The following SYT3 variants were observed in gnomAD, a reference collection of about 807,000 sequenced individuals.
SYT3 encodes the protein synaptotagmin-3.
A neutral mutation model predicts 50.6 loss-of-function variants in SYT3; 25 were observed. The observed-to-expected ratio is 0.49, with a 90% CI of 0.36 to 0.69. SYT3 has a LOEUF of 0.69. Ranked by LOEUF, SYT3 falls within the 30% of genes least tolerant of loss-of-function variation. The probability of loss-of-function intolerance (pLI) is 0.00; values close to 1 mark genes in which losing one functional copy is unlikely to be tolerated. For missense variants in SYT3, 589 were observed against 793.6 expected, an observed-to-expected ratio of 0.74 and a Z score of 3.10; for synonymous variants, 323 against 353.9, an observed-to-expected ratio of 0.91 and a Z score of 0.98.
chr19:50,635,320 A>G (rs905510806), intron 3 of SYT3, among the ~76,000 whole-genome samples: 2 of 152,170 alleles, frequency 1.3e-5, no homozygotes, highest in African/African-American at 4.8e-5. Context: ...TTGAGAAAAC[A>G]GGGTCATTGT....
At chr19:50,646,034 A>G in the SYT3 span, among the ~76,000 whole-genome samples, 1 of 152,204 alleles carries the variant, frequency 6.6e-6, no homozygotes, top group South Asian at 2.1e-4. Context: ...CAAATCCCAG[A>G]GGGAAGAAGA....
chr19:50,627,726 CA>C (rs36099001), intron 6 of SYT3, among the ~76,000 whole-genome samples: 61,004 of 96,390 alleles, frequency 0.63, 16,271 homozygotes, highest in African/African-American at 0.68. Context: ...GACTCTGTCT[CA>C]AAAAAAAAAA....
chr19:50,639,597 A>G lies in SYT3; in HGVS notation c.-154+193T>C, dbSNP rs1297452192. 2.0e-5 allele frequency among the ~76,000 whole-genome samples: 3 copies of G among 151,766 alleles called. No homozygotes were observed. Among genetic ancestry groups the G allele is most frequent in the Admixed American group, 2.0e-4 (3 of 15,262 alleles). On this transcript the variant is annotated intron_variant, in intron 1 of 10. Transcript: ENST00000600079. The surrounding 1 kb of genome is among the most constrained non-coding windows in gnomAD (Gnocchi z 4.6). ...GGTGGGCGAGGGGTGGGATACACCC[A>G]GGTGTTTCGGGACCCCCTTCCAGGG... is the stretch of plus-strand genomic sequence containing the variant.
the SYT3 span, chr19:50,655,911 A>C: frequency 1.3e-6 from 1 of 794,404 alleles, no homozygotes; most frequent in African/African-American, 1.7e-5. Context: ...TGGAGTTTGG[A>C]GCTAAGAGAC....
At chr19:50,626,773 TAGAG>T (rs1568761425) in intron 6 of SYT3, among the ~76,000 whole-genome samples, 3 of 103,264 alleles carry the variant, frequency 2.9e-5, no homozygotes, top group Admixed American at 9.8e-5. Flanking sequence ...GAGATATATA[TAGAG>T]AGAGACTCAG....
intron 2 of SYT3, chr19:50,638,155 G>A (rs1371336737): frequency 6.6e-6 from 1 of 152,334 alleles, no homozygotes; most frequent in Non-Finnish European, 1.5e-5. Flanking sequence ...TCAGAGGGGG[G>A]CGGTCAGGGA....
At chr19:50,631,102 A>T (rs1433129861) in intron 4 of SYT3, among the ~76,000 whole-genome samples, 1 of 151,532 alleles carries the variant, frequency 6.6e-6, no homozygotes, top group Non-Finnish European at 1.5e-5. Context: ...GGGCACTCAA[A>T]GCCCCATGTG....
upstream of SYT3, among the ~76,000 whole-genome samples, chr19:50,641,995 T>G (rs1338037786): frequency 6.6e-6 from 1 of 152,198 alleles, no homozygotes; most frequent in Non-Finnish European, 1.5e-5. Flanking sequence ...TCCCTCTAAT[T>G]AGATTACACC....
Position 50,637,245 on chromosome 19 carries a change from GACA to G in SYT3, c.148+16_148+18del. On this transcript the variant is annotated intron_variant, in intron 3 of 10. Transcript: ENST00000600079. The surrounding 1 kb of genome is among the most constrained non-coding windows in gnomAD (Gnocchi z 4.9). ...ATAGTGCAAGCAGGGGGCTGGCCAA[GACA>G]GGCAGGGGTGCTGACCTGCATCTGG... 1.9e-6 allele frequency: 3 copies of G among 1,609,052 alleles called. No individual in the cohort carries two copies. The highest frequency in any genetic ancestry group is 2.5e-6 in the Non-Finnish European group (3 of 1,176,844).
chr19:50,625,674 A>C lies in SYT3; in HGVS notation c.1403-110T>G, dbSNP rs529970585. 2.1e-6 allele frequency: 3 copies of C among 1,418,936 alleles called. No individual in the cohort carries two copies. The highest frequency in any genetic ancestry group is 2.9e-5 in the South Asian group (2 of 68,792). The allele number at this position is 1,418,936 out of a possible 1,614,324, so 87.9% of individuals were successfully genotyped here. ...CTCAGACCCAGAGGTCCGGGGCCCCAGGCCCCCAGTCCCTCCTTCCTCAGG... is the reference window on the plus strand; with the variant it reads ...CTCAGACCCAGAGGTCCGGGGCCCCCGGCCCCCAGTCCCTCCTTCCTCAGG... On this transcript the variant is annotated intron_variant, in intron 7 of 10. Transcript: ENST00000600079. The surrounding 1 kb of genome is among the most constrained non-coding windows in gnomAD (Gnocchi z 7.5).
chr19:50,634,834 G>A (rs1984442693), intron 3 of SYT3, among the ~76,000 whole-genome samples: 1 of 151,902 alleles, frequency 6.6e-6, no homozygotes, highest in African/African-American at 2.4e-5. Context: ...ATCCACCTCG[G>A]CTTCCCAAAG....
chr19:50,643,882 G>A (rs1320928314), upstream of SYT3, among the ~76,000 whole-genome samples: 1 of 152,156 alleles, frequency 6.6e-6, no homozygotes, highest in Non-Finnish European at 1.5e-5. Context: ...CTGTGTGTTT[G>A]AGAGAGGTCA....
At position 50,629,488 on chromosome 19, in the gene SYT3, C is replaced by T. The variant is rs142151643; in HGVS notation, c.1087G>A (p.Val363Ile). The T allele has an allele frequency of 5.6e-6, 9 of 1,613,828 alleles. No homozygotes were observed. The highest frequency in any genetic ancestry group is 1.1e-5 in the South Asian group (1 of 91,026). ...GAGAATTGAAACGTCTCATTGAAGA[C>T]GGGGTTCAGGGTCTTCCTGTGCACC... ...TKVHRKTLNP[V>I]FNETFQFSVP... is the part of the protein sequence containing the mutation. The change falls in exon 6 of 11, where the codon GTC (valine) becomes ATC (isoleucine). Residue 363 changes from valine to isoleucine, a missense_variant. Val to Ile is a conservative substitution (Grantham distance 29). Transcript: ENST00000600079.
Position 50,625,499 on chromosome 19 carries a change from T to A in SYT3, c.1468A>T (p.Lys490Ter). 6.2e-7 allele frequency: 1 copy of A among 1,610,418 alleles called. No homozygotes were observed. The change falls in exon 8 of 11, where the codon AAG (lysine) becomes TAG (stop). Residue 490 changes from lysine to a stop codon, truncating the protein, a stop_gained. Coordinates refer to ENST00000600079, the MANE Select transcript of SYT3 (RefSeq NM_001160329.2). LOFTEE classifies it high-confidence loss of function. The surrounding 1 kb of genome is among the most constrained non-coding windows in gnomAD (Gnocchi z 7.5). ...TAGGTGGGGTTCAGCGTGTTCTTCT[T>A]GATGGAGGTTTTCCGCTTCTTCAGA... ...RRLKKRKTSIKKNTLNPTYNE... is the reference protein window; with the variant it reads ...RRLKKRKTSI
chr19:50,646,864 T>C, the SYT3 span, among the ~76,000 whole-genome samples: 1 of 152,098 alleles, frequency 6.6e-6, no homozygotes, highest in African/African-American at 2.4e-5. Context: ...AGAGTCTTGC[T>C]TTGTCGCCCA....
chr19:50,630,021 G>A lies in SYT3; in HGVS notation c.825C>T (p.Tyr275=). The part of the protein sequence containing the change: ...KLIGQIKPEL[Y]QGTGPGGRRS... Reference sequence around the variant, plus strand: ...GCCGGCCACCAGGGCCAGTCCCCTGGTACAGCTCTGGCTTAATCTGCCCAA... The same window carrying A: ...GCCGGCCACCAGGGCCAGTCCCCTGATACAGCTCTGGCTTAATCTGCCCAA... The change falls in exon 5 of 11, where the codon TAC becomes TAT. Residue 275 remains tyrosine (Y), a synonymous_variant. Coordinates refer to ENST00000600079, the MANE Select transcript of SYT3 (RefSeq NM_001160329.2). 6.2e-7 allele frequency: 1 copy of A among 1,614,034 alleles called. No individual in the cohort carries two copies. The highest frequency in any genetic ancestry group is 8.5e-7 in the Non-Finnish European group (1 of 1,179,974).
chr19:50,632,849 G>A lies in SYT3; in HGVS notation c.149-38C>T. The A allele has an allele frequency of 6.9e-7, 1 of 1,453,212 alleles. No individual in the cohort carries two copies. Among genetic ancestry groups the A allele is most frequent in the African/African-American group, 1.4e-5 (1 of 70,750 alleles). 90.0% of individuals were successfully genotyped at this position (1,453,212 alleles called of 1,614,324 possible). A position where few individuals can be genotyped will look rare whatever the true frequency, so the allele number is the denominator to read the frequency against. On this transcript the variant is annotated intron_variant, in intron 3 of 10. Transcript: ENST00000600079. This position sits in a 1 kb window ranked among gnomAD's most constrained non-coding sequence, Gnocchi z 4.7. ...AGGACAGAGGTAGGGGTCAGGATGG[G>A]GTCACAGTACATCCTCCCTCTGCTG...
chr19:50,648,795 G>T, the SYT3 span, among the ~76,000 whole-genome samples: 1 of 152,122 alleles, frequency 6.6e-6, no homozygotes, highest in Non-Finnish European at 1.5e-5. Context: ...TTTCTAACCA[G>T]TTCCTGGCTG....
chr19:50,633,395 G>A (rs1984388527), intron 3 of SYT3, among the ~76,000 whole-genome samples: 1 of 152,230 alleles, frequency 6.6e-6, no homozygotes, highest in East Asian at 1.9e-4. Context: ...GAATCCAGCA[G>A]TCTCTCTCCA....
Sources: gnomAD v4.1 joint callset for allele counts (sites outside exome capture counted in the v4.1 genomes callset) on GRCh38, gnomAD v4.1.1 for gene constraint, Gnocchi (gnomAD v3.1) non-coding constraint, MANE v1.5 for transcripts, NCBI Gene and HGNC (gene_info 2026-07-23, HGNC 2026-07-21) for gene names.